Variants in PLS1 observed in about 807,000 individuals in gnomAD.
PLS1 encodes plastin-1.
Under a neutral mutation model 73.7 loss-of-function variants are expected in PLS1, and 32 were observed. The ratio of observed to expected loss-of-function variants is 0.43; its 90% CI spans 0.33 to 0.58. The LOEUF is 0.58. PLS1 is among the 20% of genes least tolerant of loss of function. PLS1 has a pLI of 0.04. For missense variants in PLS1, 633 were observed against 740.5 expected (o/e 0.85, Z 1.68); for synonymous variants, 217 against 261.3 (o/e 0.83, Z 1.63).
chr3:142,678,352 A>C (rs907446379), intron 6 of PLS1, among the ~76,000 whole-genome samples: 1 of 150,126 alleles, frequency 6.7e-6, no homozygotes, highest in Non-Finnish European at 1.5e-5. Flanking sequence ...TACATGTGCC[A>C]TGCTGGTGTG....
chr3:142,709,632 C>T lies in PLS1; in HGVS notation c.1630-1869C>T, dbSNP rs1408135720. On this transcript the variant is annotated intron_variant, in intron 14 of 15. Transcript: ENST00000457734. ...GAGATCACAACCATCCTGGCTAACA[C>T]GGCGAAACCCCATCTCTACTAAAAA... 1.4e-4 allele frequency among the ~76,000 whole-genome samples: 21 copies of T among 152,016 alleles called. 1 individual carries two copies. Among genetic ancestry groups the T allele is most frequent in the Non-Finnish European group, 7.4e-5 (5 of 67,986 alleles).
At chr3:142,630,925 G>A (rs1055142237) in intron 1 of PLS1, among the ~76,000 whole-genome samples, 2 of 102,462 alleles carry the variant, frequency 2.0e-5, no homozygotes, top group South Asian at 5.5e-4. Context: ...ACAGAATAGA[G>A]AGCATGTAAA....
chr3:142,605,481 C>G (rs2036001276), intron 1 of PLS1, among the ~76,000 whole-genome samples: 1 of 152,188 alleles, frequency 6.6e-6, no homozygotes, highest in African/African-American at 2.4e-5. Flanking sequence ...AGTGATTCTC[C>G]TGCTTCATCC....
chr3:142,673,493 T>C (rs1490996752), intron 4 of PLS1: 3 of 152,236 alleles, frequency 2.0e-5, no homozygotes, highest in African/African-American at 7.2e-5. Context: ...GACATATACT[T>C]TGAATTCTCG....
intron 1 of PLS1, among the ~76,000 whole-genome samples, chr3:142,601,054 G>A (rs2035918253): frequency 7.0e-6 from 1 of 142,938 alleles, no homozygotes; most frequent in Non-Finnish European, 1.5e-5. Flanking sequence ...CTCCCGAGTA[G>A]CTGGGACTAC....
At chr3:142,711,773 C>A in intron 15 of PLS1, 99 bp from the exon 16 acceptor site, 1 of 1,429,076 alleles carries the variant, frequency 7.0e-7, no homozygotes, top group Non-Finnish European at 9.7e-7. Context: ...TTAACCTTTT[C>A]GTAAAACTAA....
intron 1 of PLS1, among the ~76,000 whole-genome samples, chr3:142,625,557 C>T (rs2036406210): frequency 6.6e-6 from 1 of 152,084 alleles, no homozygotes; most frequent in Non-Finnish European, 1.5e-5. Flanking sequence ...ATTTTTAGCT[C>T]ATCAGTAACA....
chr3:142,649,360 G>T (rs1241533044), intron 1 of PLS1, among the ~76,000 whole-genome samples: 1 of 137,942 alleles, frequency 7.2e-6, no homozygotes, highest in African/African-American at 2.7e-5. Context: ...AAAAGGCCAG[G>T]CATGGTGGCT....
intron 1 of PLS1, among the ~76,000 whole-genome samples, chr3:142,611,213 T>C (rs1461433325): frequency 2.6e-5 from 4 of 152,260 alleles, no homozygotes; most frequent in African/African-American, 7.2e-5. Context: ...TCACAGGTTA[T>C]ATGCAAGCAG....
At chr3:142,657,405 A>G (rs555302018) in intron 1 of PLS1, among the ~76,000 whole-genome samples, 1 of 152,322 alleles carries the variant, frequency 6.6e-6, no homozygotes, top group African/African-American at 2.4e-5. Flanking sequence ...AGACTGAGGG[A>G]ACCACAGATT....
chr3:142,632,641 C>G (rs901047356), intron 1 of PLS1, among the ~76,000 whole-genome samples: 3 of 151,744 alleles, frequency 2.0e-5, no homozygotes, highest in Middle Eastern at 3.4e-3. Context: ...TTCTGTCACC[C>G]AGGCTGGAGT....
chr3:142,694,796 A>G (rs1243970876), intron 11 of PLS1, among the ~76,000 whole-genome samples: 1 of 152,232 alleles, frequency 6.6e-6, no homozygotes, highest in Non-Finnish European at 1.5e-5. Context: ...ATAGTTATTG[A>G]TTGTAAAAAT....
intron 10 of PLS1, among the ~76,000 whole-genome samples, chr3:142,691,993 A>G (rs2038095071): frequency 6.6e-6 from 1 of 152,172 alleles, no homozygotes; most frequent in South Asian, 2.1e-4. Context: ...TAGTTCCACT[A>G]TTTAATCTGA....
At chr3:142,697,878 C>A in intron 11 of PLS1, 75 bp from the exon 12 acceptor site, 1 of 759,294 alleles carries the variant, frequency 1.3e-6, no homozygotes, top group Non-Finnish European at 2.3e-6. Flanking sequence ...ATAAGTCTAT[C>A]TCCAGTGTAC....
intron 6 of PLS1, 99 bp downstream of exon 6, chr3:142,678,212 T>C (rs1160008478): frequency 4.0e-6 from 2 of 498,666 alleles, no homozygotes; most frequent in East Asian, 3.6e-5. Flanking sequence ...TTTGATTTAA[T>C]TGTAATGCTA....
intron 4 of PLS1, 30 bp downstream of exon 4, chr3:142,671,152 A>G (rs754140561): frequency 1.9e-6 from 3 of 1,576,304 alleles, no homozygotes; most frequent in South Asian, 1.1e-5. Context: ...TTGATCTTTT[A>G]GTCACTGATT....
At chr3:142,597,784 CA>C (rs1227750082) in intron 1 of PLS1, among the ~76,000 whole-genome samples, 1 of 152,210 alleles carries the variant, frequency 6.6e-6, no homozygotes, top group Non-Finnish European at 1.5e-5. Flanking sequence ...CCACTCCCTG[CA>C]GATACTCTTC....
intron 2 of PLS1, among the ~76,000 whole-genome samples, chr3:142,667,397 T>C (rs529778546): frequency 1.3e-5 from 2 of 151,786 alleles, no homozygotes; most frequent in East Asian, 3.9e-4. Flanking sequence ...CCTGGCGACA[T>C]AGCGAGACTC....
At chr3:142,698,474 C>A (rs563380645) in intron 12 of PLS1, 3 of 151,622 alleles carry the variant, frequency 2.0e-5, no homozygotes, top group East Asian at 3.9e-4. Flanking sequence ...GGAGTTGGTC[C>A]TCAGGAAAGC....
Sources: allele counts gnomAD v4.1 joint callset (sites outside exome capture counted in the v4.1 genomes callset), GRCh38; gene constraint gnomAD v4.1.1; transcripts MANE v1.5; gene names NCBI Gene and HGNC (gene_info 2026-07-23, HGNC 2026-07-21).